Variants in ARHGEF18 observed in about 807,000 individuals in gnomAD.
The protein encoded by ARHGEF18 is rho guanine nucleotide exchange factor 18.
Under a neutral mutation model 155.7 loss-of-function variants are expected in ARHGEF18, and 93 were observed. That is an observed-to-expected ratio of 0.60 (90% CI 0.50 to 0.71). ARHGEF18 has a LOEUF of 0.71. Among genes scored for constraint, ARHGEF18 ranks in the 30% least tolerant of loss-of-function variants. The pLI, the probability that ARHGEF18 is intolerant of heterozygous loss-of-function variation, is 0.00. For synonymous variants in ARHGEF18, 742 were observed against 753.1 expected, an observed-to-expected ratio of 0.99 and a Z score of 0.24; for missense variants, 1,593 against 1,816.1, an observed-to-expected ratio of 0.88 and a Z score of 2.23.
chr19:7,434,895 TAGAACCCCAAAA>T (rs898767714), intron 10 of ARHGEF18, among the ~76,000 whole-genome samples: 26 of 152,176 alleles, frequency 1.7e-4, no homozygotes, highest in Non-Finnish European at 3.5e-4. Context: ...AAATGGATCT[TAGAACCCCAAAA>T]AGAAACACCA....
In ARHGEF18 at chr19:7,427,872, G is replaced by A. The variant is rs1003594336; in HGVS notation, c.968-12472G>A. 2.0e-5 allele frequency among the ~76,000 whole-genome samples: 3 copies of A among 151,786 alleles called. 1 individual carries two copies. Among genetic ancestry groups the A allele is most frequent in the South Asian group, 4.2e-4 (2 of 4,814 alleles). On this transcript the variant is annotated intron_variant, in intron 10 of 28. Coordinates refer to ENST00000668164, the MANE Select transcript of ARHGEF18 (RefSeq NM_001367823.1). Reference sequence around the variant, plus strand: ...GAAGCACAAGAATTGGTCGAATCTGGGAGGCAGTCTGCAGTGAGCCAAGAT... The same window carrying A: ...GAAGCACAAGAATTGGTCGAATCTGAGAGGCAGTCTGCAGTGAGCCAAGAT...
intron 1 of ARHGEF18, among the ~76,000 whole-genome samples, chr19:7,351,402 C>T (rs1457615124): frequency 2.0e-5 from 3 of 152,006 alleles, no homozygotes; most frequent in Admixed American, 6.6e-5. Flanking sequence ...CGGCTCACTG[C>T]AAGCTCCACC....
chr19:7,444,222 T>G lies in ARHGEF18; in HGVS notation c.1379T>G (p.Val460Gly). The G allele has an allele frequency of 6.2e-7, 1 of 1,613,354 alleles. No homozygotes were observed. Among genetic ancestry groups the G allele is most frequent in the Non-Finnish European group, 8.5e-7 (1 of 1,179,970 alleles). Residue 460 changes from valine to glycine, a missense_variant, in exon 14 of 29, where the codon GTG (valine) becomes GGG (glycine). Physicochemically the swap from Val to Gly is moderately radical, Grantham distance 109. Coordinates refer to ENST00000668164, the MANE Select transcript of ARHGEF18 (RefSeq NM_001367823.1). The surrounding 1 kb of genome is among the most constrained non-coding windows in gnomAD (Gnocchi z 4.7). ...DVLYELMQTE[V>G]HHVRTLKIML... ...CCTGCAGAGCTGATGCAGACAGAGG[T>G]GCACCACGTGCGGACGCTCAAGATC...
At chr19:7,450,818 C>A in intron 15 of ARHGEF18, among the ~76,000 whole-genome samples, 1 of 96 alleles carries the variant, frequency 0.01, no homozygotes, top group Non-Finnish European at 0.018. Flanking sequence ...GATGTTAATA[C>A]GGGGTCTTGC....
In ARHGEF18 at chr19:7,395,041, C is replaced by T. The variant is rs1048491134; in HGVS notation, c.967+11838C>T. 2 of 985,128 alleles carry T rather than the reference C, an allele frequency of 2.0e-6. No homozygotes were observed. The highest frequency in any genetic ancestry group is 4.7e-5 in the South Asian group (1 of 21,290). 61.0% of individuals were successfully genotyped at this position (985,128 alleles called of 1,614,324 possible). The stretch of plus-strand genomic sequence containing the variant: ...CAGGTCCCCGGGAGCGCCCCGCCCT[C>T]GAGGGCACGCCTCCTTCCGGGTCAC... On this transcript the variant is annotated intron_variant, in intron 10 of 28. Transcript: ENST00000668164. The surrounding 1 kb of genome is among the most constrained non-coding windows in gnomAD (Gnocchi z 5.0).
intron 10 of ARHGEF18, among the ~76,000 whole-genome samples, chr19:7,389,923 C>G (rs577468655): frequency 6.6e-4 from 100 of 152,124 alleles, no homozygotes; most frequent in Non-Finnish European, 1.3e-3. Flanking sequence ...GATGTGGGGC[C>G]GGGCGCGGAA....
intron 10 of ARHGEF18, among the ~76,000 whole-genome samples, chr19:7,423,762 A>C (rs1339923276): frequency 1.3e-5 from 2 of 151,680 alleles, no homozygotes; most frequent in African/African-American, 4.8e-5. Context: ...GTTCCACCTG[A>C]TGCCAAAGCC....
At chr19:7,429,475 C>T (rs1234425592) in intron 10 of ARHGEF18, among the ~76,000 whole-genome samples, 1 of 152,038 alleles carries the variant, frequency 6.6e-6, no homozygotes, top group African/African-American at 2.4e-5. Context: ...TGGTGGCAGG[C>T]GCCTGTAATC....
chr19:7,385,823 A>ATCTCTCTCTCTC (rs1288367668), intron 10 of ARHGEF18, among the ~76,000 whole-genome samples: 6 of 73,792 alleles, frequency 8.1e-5, no homozygotes, highest in African/African-American at 2.5e-4. Context: ...GATAGGATCT[A>ATCTCTCTCTCTC]TCTCTCTCTA....
chr19:7,356,717 C>T (rs1402692772), intron 1 of ARHGEF18, among the ~76,000 whole-genome samples: 1 of 152,152 alleles, frequency 6.6e-6, no homozygotes, highest in Non-Finnish European at 1.5e-5. Flanking sequence ...GTTTTCTTGT[C>T]TCCGGCTCCC....
intron 1 of ARHGEF18, among the ~76,000 whole-genome samples, chr19:7,362,012 AGAAGG>A (rs1568264325): frequency 1.9e-5 from 1 of 52,432 alleles, no homozygotes; most frequent in African/African-American, 1.2e-4. Context: ...AAGAAGAAGA[AGAAGG>A]AGAAGGAGAA....
At position 7,459,865 on chromosome 19, in the gene ARHGEF18, G is replaced by C. The variant is rs777225540; in HGVS notation, c.2361-38G>C. On this transcript the variant is annotated intron_variant, in intron 19 of 28. Coordinates refer to ENST00000668164, the MANE Select transcript of ARHGEF18 (RefSeq NM_001367823.1). ...CGTCTGTGCCGAGGCTGGCCTGCCTGGGAAGCACAGTTACCCACCCGACTC... is the reference window on the plus strand; with the variant it reads ...CGTCTGTGCCGAGGCTGGCCTGCCTCGGAAGCACAGTTACCCACCCGACTC... 1.5e-5 allele frequency: 23 copies of C among 1,534,268 alleles called. 1 individual carries two copies. The South Asian group carries it at 2.8e-4, about 18-fold the overall frequency.
At chr19:7,438,934 G>A (rs543851041) in intron 10 of ARHGEF18, among the ~76,000 whole-genome samples, 9 of 151,744 alleles carry the variant, frequency 5.9e-5, no homozygotes, top group Admixed American at 2.0e-4. Flanking sequence ...GTGCAGTGGC[G>A]CAATCTCCGC....
At position 7,356,878 on chromosome 19, in the gene ARHGEF18, G is replaced by A. The variant is rs1969328685; in HGVS notation, c.-110-5903G>A. ...AAAGAGGGGGCCAATGTGAAGATTC[G>A]TTAGCTCATTCATTCCACTGACCCT... On this transcript the variant is annotated intron_variant, in intron 1 of 28. Transcript: ENST00000668164. 4.6e-5 allele frequency among the ~76,000 whole-genome samples: 7 copies of A among 152,300 alleles called. No individual in the cohort carries two copies. The South Asian group carries it at 1.4e-3, about 32-fold the overall frequency.
intron 2 of ARHGEF18, among the ~76,000 whole-genome samples, chr19:7,363,940 GGAA>G (rs1969754684): frequency 6.6e-6 from 1 of 151,150 alleles, no homozygotes; most frequent in African/African-American, 2.4e-5. Context: ...AAAGAATGAA[GGAA>G]GGATAGATAA....
chr19:7,453,377 A>G (rs1975617991), intron 16 of ARHGEF18, 90 bp from the exon 17 acceptor site: 4 of 1,379,286 alleles, frequency 2.9e-6, no homozygotes, highest in Middle Eastern at 2.1e-4. Flanking sequence ...CACACACCTC[A>G]TAGATCCACA....
intron 10 of ARHGEF18, among the ~76,000 whole-genome samples, chr19:7,384,331 G>C (rs1462551210): frequency 1.3e-5 from 2 of 152,128 alleles, no homozygotes; most frequent in East Asian, 3.8e-4. Context: ...AAGTCTCCTG[G>C]GGGGCAGAAT....
At chr19:7,356,017 G>C (rs1469210905) in intron 1 of ARHGEF18, among the ~76,000 whole-genome samples, 1 of 152,102 alleles carries the variant, frequency 6.6e-6, no homozygotes, top group Non-Finnish European at 1.5e-5. Flanking sequence ...CGATCTCCTG[G>C]GGGTCCCAGA....
rs71177201 is a variant in ARHGEF18, at chr19:7,367,840, T to TACACATATATA, written c.15+4935_15+4936insACACATATATA. Among the ~76,000 whole-genome samples the TACACATATATA allele has an allele frequency of 3.2e-4, 11 of 34,408 alleles. 1 individual carries two copies. Among genetic ancestry groups the TACACATATATA allele is most frequent in the Admixed American group, 1.6e-3 (3 of 1,842 alleles). 22.6% of individuals were successfully genotyped at this position (34,408 alleles called of 152,430 possible). On this transcript the variant is annotated intron_variant, in intron 2 of 28. Coordinates refer to ENST00000668164, the MANE Select transcript of ARHGEF18 (RefSeq NM_001367823.1). ...TTATATATATATACACATATATATA[T>TACACATATATA]TTTATATATATATATACACATATAT... is the stretch of plus-strand genomic sequence containing the variant.
Sources: allele counts gnomAD v4.1 joint callset (sites outside exome capture counted in the v4.1 genomes callset), GRCh38; gene constraint gnomAD v4.1.1; non-coding constraint Gnocchi (gnomAD v3.1); transcripts MANE v1.5; gene names NCBI Gene and HGNC (gene_info 2026-07-23, HGNC 2026-07-21).